BLTP3B: variants seen among roughly 807,000 people sequenced by gnomAD.
BLTP3B encodes the protein UHRF1 (ICBP90) binding protein 1-like.
the BLTP3B span, among the ~76,000 whole-genome samples, chr12:100,107,910 A>T: frequency 6.6e-6 from 1 of 151,578 alleles, no homozygotes; most frequent in Non-Finnish European, 1.5e-5. Context: ...CTATTTTTTT[A>T]TTTTTATTTT....
At chr12:100,107,897 G>A in the BLTP3B span, among the ~76,000 whole-genome samples, 2 of 151,858 alleles carry the variant, frequency 1.3e-5, no homozygotes, top group South Asian at 4.2e-4. Context: ...CTACCATGTT[G>A]GGCTATTTTT....
At chr12:100,117,594 T>TCCTCCCCTGCCTCCA in the BLTP3B span, among the ~76,000 whole-genome samples, 4 of 151,470 alleles carry the variant, frequency 2.6e-5, no homozygotes, top group African/African-American at 7.3e-5. Flanking sequence ...CCTCCTAAGA[T>TCCTCCCCTGCCTCCA]CCTCCCCTGC....
chr12:100,049,701 G>C, the BLTP3B span, among the ~76,000 whole-genome samples: 1 of 152,160 alleles, frequency 6.6e-6, no homozygotes, highest in Admixed American at 6.5e-5. Flanking sequence ...GAAGGTAAAA[G>C]AAACAGCCAC....
the BLTP3B span, among the ~76,000 whole-genome samples, chr12:100,088,509 G>A: frequency 1.4e-3 from 206 of 152,232 alleles, no homozygotes; most frequent in African/African-American, 4.7e-3. Context: ...AAAATAGGTA[G>A]AAAAACTGCA....
chr12:100,126,062 T>C, the BLTP3B span, among the ~76,000 whole-genome samples: 1 of 152,150 alleles, frequency 6.6e-6, no homozygotes, highest in African/African-American at 2.4e-5. Context: ...GCCCAGGGGT[T>C]TGAGAACAGC....
At chr12:100,125,335 CAAAAAAAA>C in the BLTP3B span, among the ~76,000 whole-genome samples, 29 of 74,100 alleles carry the variant, frequency 3.9e-4, no homozygotes, top group Non-Finnish European at 7.2e-4. Context: ...GTTTCCATCT[CAAAAAAAA>C]AAAAAAAAAA....
chr12:100,109,159 CCTCTCTCTCT>C, the BLTP3B span, among the ~76,000 whole-genome samples: 1,878 of 65,310 alleles, frequency 0.029, 48 homozygotes, highest in African/African-American at 0.05. Flanking sequence ...TGGCAGTTTT[CCTCTCTCTCT>C]CTCTCTCTCT....
At chr12:100,039,876 C>G in the BLTP3B span, 1 of 1,204,568 alleles carries the variant, frequency 8.3e-7, no homozygotes. Context: ...TAATTTAAAA[C>G]TAAATATCTA....
At chr12:100,076,388 CTTTTTT>C in the BLTP3B span, among the ~76,000 whole-genome samples, 5 of 110,216 alleles carry the variant, frequency 4.5e-5, no homozygotes, top group African/African-American at 1.8e-4. Context: ...CCTCAGCAAT[CTTTTTT>C]TTTTTTTTTT....
At chr12:100,120,114 C>T in the BLTP3B span, among the ~76,000 whole-genome samples, 168 of 152,342 alleles carry the variant, frequency 1.1e-3, 1 homozygote, top group African/African-American at 3.4e-3. Context: ...TGGTGCCTCA[C>T]GCCTGTAATC....
the BLTP3B span, among the ~76,000 whole-genome samples, chr12:100,108,838 T>C: frequency 6.6e-6 from 1 of 152,146 alleles, no homozygotes; most frequent in East Asian, 1.9e-4. Context: ...CTCTCGTTCA[T>C]TTGTGGGAGC....
the BLTP3B span, among the ~76,000 whole-genome samples, chr12:100,142,412 C>G: frequency 6.6e-6 from 1 of 152,186 alleles, no homozygotes; most frequent in Non-Finnish European, 1.5e-5. Context: ...TGAGGCCAGC[C>G]CCCGGCGCCG....
At chr12:100,047,833 TA>T in the BLTP3B span, 1 of 1,213,762 alleles carries the variant, frequency 8.2e-7, no homozygotes, top group Non-Finnish European at 1.1e-6. Flanking sequence ...AAAATCATTT[TA>T]ATAAATGCTG....
At chr12:100,109,653 C>G in the BLTP3B span, among the ~76,000 whole-genome samples, 1 of 151,752 alleles carries the variant, frequency 6.6e-6, no homozygotes, top group African/African-American at 2.4e-5. Flanking sequence ...GTAGTCCCAG[C>G]TATTCAGGAG....
the BLTP3B span, among the ~76,000 whole-genome samples, chr12:100,129,115 A>T: frequency 1.3e-5 from 2 of 152,186 alleles, no homozygotes; most frequent in African/African-American, 4.8e-5. Context: ...CAGATTATCA[A>T]ACTGGTTTAA....
chr12:100,037,680 T>C, the BLTP3B span: 3 of 1,610,980 alleles, frequency 1.9e-6, no homozygotes, highest in Non-Finnish European at 2.5e-6. Context: ...AGAGCATCTT[T>C]TTCCAAGTGA....
At chr12:100,056,099 T>C in the BLTP3B span, among the ~76,000 whole-genome samples, 2 of 152,226 alleles carry the variant, frequency 1.3e-5, no homozygotes, top group Admixed American at 6.5e-5. Context: ...TGCAACAGTA[T>C]GAATGCGTCC....
chr12:100,076,640 C>G, the BLTP3B span, among the ~76,000 whole-genome samples: 1 of 152,182 alleles, frequency 6.6e-6, no homozygotes. Context: ...GTGATCCACC[C>G]ACTTTGGCTT....
At chr12:100,091,003 A>AT in the BLTP3B span, among the ~76,000 whole-genome samples, 2 of 151,142 alleles carry the variant, frequency 1.3e-5, no homozygotes, top group Admixed American at 1.3e-4. Context: ...ATGGGCCACT[A>AT]TAAGCTCTCT....
Sources: gnomAD v4.1 joint callset for allele counts (sites outside exome capture counted in the v4.1 genomes callset) on GRCh38, gnomAD v4.1.1 for gene constraint, MANE v1.5 for transcripts, NCBI Gene and HGNC (gene_info 2026-07-23, HGNC 2026-07-21) for gene names.